The following PARD6G variants were observed in gnomAD, a reference collection of about 807,000 sequenced individuals.
PARD6G encodes partitioning defective 6 homolog gamma.
PARD6G carries 7 observed loss-of-function variants against 10.7 expected under a neutral mutation model. That is an observed-to-expected ratio of 0.66 (90% CI 0.37 to 1.23). The LOEUF (loss-of-function observed/expected upper bound fraction) is 1.23. Ranked by LOEUF, PARD6G falls within the 50% of genes most tolerant of loss-of-function variation. The pLI is 0.02. For synonymous variants in PARD6G, 287 were observed against 269.4 expected (o/e 1.07, Z -0.64); for missense variants, 548 against 571.8 (o/e 0.96, Z 0.42).
At chr18:80,239,444 T>A (rs1967464848) in intron 1 of PARD6G, among the ~76,000 whole-genome samples, 3 of 149,356 alleles carry the variant, frequency 2.0e-5, no homozygotes, top group Non-Finnish European at 4.5e-5. Flanking sequence ...GCTGATGAGC[T>A]AAAAAAAAAA....
chr18:80,177,535 C>T (rs377095259), intron 2 of PARD6G, among the ~76,000 whole-genome samples: 23 of 147,176 alleles, frequency 1.6e-4, no homozygotes, highest in African/African-American at 4.6e-4. Context: ...CACACATGCA[C>T]GCGGGCACAC....
rs546133842 is a variant in PARD6G at position 80,226,399 on chromosome 18, G to A, written c.72+20878C>T. On this transcript the variant is annotated intron_variant, in intron 1 of 2. Transcript: ENST00000353265. The stretch of plus-strand genomic sequence containing the variant: ...TTGGTCAGGCTGGTCTCGAACTCCC[G>A]ACCTCAGGTGATCCGCCTGCCTTGG... Among the ~76,000 whole-genome samples the A allele has an allele frequency of 6.6e-5, 10 of 152,050 alleles. 1 individual carries two copies. The South Asian group carries it at 1.2e-3, about 19-fold the overall frequency.
At chr18:80,213,507 A>G (rs1273467126) in intron 1 of PARD6G, among the ~76,000 whole-genome samples, 1 of 152,246 alleles carries the variant, frequency 6.6e-6, no homozygotes, top group Non-Finnish European at 1.5e-5. Flanking sequence ...GGAAATCTCT[A>G]TCTAATCATT....
intron 2 of PARD6G, among the ~76,000 whole-genome samples, chr18:80,194,088 G>A (rs1966926696): frequency 6.6e-6 from 1 of 152,150 alleles, no homozygotes; most frequent in South Asian, 2.1e-4. Flanking sequence ...GTTCACAGTG[G>A]AAATTTTTAT....
intron 2 of PARD6G, among the ~76,000 whole-genome samples, chr18:80,190,323 T>C (rs1167056566): frequency 6.6e-6 from 1 of 152,196 alleles, no homozygotes; most frequent in Non-Finnish European, 1.5e-5. Flanking sequence ...AGGAGGGTGC[T>C]GAGGGCAAAG....
chr18:80,218,071 C>T (rs901105908), intron 1 of PARD6G, among the ~76,000 whole-genome samples: 2 of 152,150 alleles, frequency 1.3e-5, no homozygotes, highest in African/African-American at 4.8e-5. Context: ...ATAGGAACTA[C>T]AATTCAAGAT....
chr18:80,187,105 A>T (rs1367596061), intron 2 of PARD6G, among the ~76,000 whole-genome samples: 1 of 151,874 alleles, frequency 6.6e-6, no homozygotes, highest in African/African-American at 2.4e-5. Flanking sequence ...TCAAGAAAAA[A>T]AAAAAAAAGA....
intron 2 of PARD6G, chr18:80,169,740 AG>A (rs939940681): frequency 4.5e-4 from 69 of 152,276 alleles, no homozygotes; most frequent in African/African-American, 1.5e-3. Context: ...CACCATGGAG[AG>A]GGGATTCAGA....
chr18:80,162,563 T>C (rs1361763625), intron 2 of PARD6G: 2 of 169,220 alleles, frequency 1.2e-5, no homozygotes, highest in African/African-American at 4.8e-5. Flanking sequence ...CTGCACCTCA[T>C]AGACACTGCA....
chr18:80,232,176 G>A (rs537915554), intron 1 of PARD6G, among the ~76,000 whole-genome samples: 68 of 143,350 alleles, frequency 4.7e-4, no homozygotes, highest in South Asian at 2.0e-3. Flanking sequence ...TTCTGCCCCC[G>A]CCCCCCAAGC....
At chr18:80,179,535 C>A (rs1414478559) in intron 2 of PARD6G, among the ~76,000 whole-genome samples, 5 of 152,196 alleles carry the variant, frequency 3.3e-5, no homozygotes, top group Admixed American at 2.0e-4. Flanking sequence ...AGGAGGCTTG[C>A]TTTAGGGTCC....
intron 1 of PARD6G, among the ~76,000 whole-genome samples, chr18:80,205,227 C>T (rs1307363928): frequency 1.3e-5 from 2 of 152,178 alleles, no homozygotes; most frequent in Non-Finnish European, 2.9e-5. Context: ...CCAAGGATGA[C>T]ACTGGTACAG....
In PARD6G at chr18:80,188,054, G is replaced by A. The variant is rs1232912951; in HGVS notation, c.295+14656C>T. On this transcript the variant is annotated intron_variant, in intron 2 of 2. Transcript: ENST00000353265. This position sits in a 1 kb window ranked among gnomAD's most constrained non-coding sequence, Gnocchi z 5.4. ...ATCACTGACTGAAACGCTAAGTGGTGCGCGACCGTGCCCAACGGGAGGTGT... is the reference window on the plus strand; with the variant it reads ...ATCACTGACTGAAACGCTAAGTGGTACGCGACCGTGCCCAACGGGAGGTGT... The A allele has an allele frequency of 6.6e-6, 1 of 152,210 alleles. No individual in the cohort carries two copies. The highest frequency in any genetic ancestry group is 1.5e-5 in the Non-Finnish European group (1 of 68,048). The allele number at this position is 152,210 out of a possible 1,614,324, so 9.4% of individuals were successfully genotyped here. A position where few individuals can be genotyped will look rare whatever the true frequency, so the allele number is the denominator to read the frequency against.
rs1030432901 is a variant in PARD6G, at chr18:80,158,885, A to G, written c.*886T>C. On this transcript the variant is annotated 3_prime_UTR_variant, in exon 3 of 3. Transcript: ENST00000353265. ...GAACAATTCCACAGCTGCGGGTGCC[A>G]TAAGTGTGCTGGTGGGAGCTCTCCT... The G allele has an allele frequency of 2.0e-5, 3 of 152,334 alleles. No individual in the cohort carries two copies. Among genetic ancestry groups the G allele is most frequent in the South Asian group, 2.1e-4 (1 of 4,816 alleles). The allele number at this position is 152,334 out of a possible 1,614,324, so 9.4% of individuals were successfully genotyped here. A position where few individuals can be genotyped will look rare whatever the true frequency, so the allele number is the denominator to read the frequency against.
intron 1 of PARD6G, among the ~76,000 whole-genome samples, chr18:80,225,681 T>G (rs1967281815): frequency 6.6e-6 from 1 of 152,246 alleles, no homozygotes; most frequent in African/African-American, 2.4e-5. Flanking sequence ...AAAAGCATTC[T>G]TTTTCTCTTT....
chr18:80,206,304 T>C (rs985173322), intron 1 of PARD6G, among the ~76,000 whole-genome samples: 1 of 152,204 alleles, frequency 6.6e-6, no homozygotes, highest in African/African-American at 2.4e-5. Flanking sequence ...GACAAAAGCA[T>C]TGTATTTAAA....
intron 1 of PARD6G, among the ~76,000 whole-genome samples, chr18:80,216,130 A>T (rs1234503399): frequency 6.6e-6 from 1 of 152,198 alleles, no homozygotes; most frequent in East Asian, 1.9e-4. Flanking sequence ...CTAACTTAAA[A>T]GGAGAAATAA....
rs150789619 is a variant in PARD6G at position 80,239,687 on chromosome 18, C to G, written c.72+7590G>C. Reference sequence around the variant, plus strand: ...GAGGTGCCAACAGCAACAGAAATAGCTATGTGGGCTTTTAATTTCCAAAGT... The same window carrying G: ...GAGGTGCCAACAGCAACAGAAATAGGTATGTGGGCTTTTAATTTCCAAAGT... On this transcript the variant is annotated intron_variant, in intron 1 of 2. Transcript: ENST00000353265. Among the ~76,000 whole-genome samples, 421 of 152,308 alleles carry G rather than the reference C, an allele frequency of 2.8e-3. 1 individual carries two copies. The highest frequency in any genetic ancestry group is 9.5e-3 in the African/African-American group (393 of 41,572).
intron 1 of PARD6G, among the ~76,000 whole-genome samples, chr18:80,214,571 G>T (rs1261165693): frequency 2.0e-5 from 3 of 152,182 alleles, no homozygotes; most frequent in East Asian, 3.9e-4. Flanking sequence ...TTACAAAACC[G>T]AAATACAAAA....
Sources: allele counts gnomAD v4.1 joint callset (sites outside exome capture counted in the v4.1 genomes callset), GRCh38; gene constraint gnomAD v4.1.1; non-coding constraint Gnocchi (gnomAD v3.1); transcripts MANE v1.5; gene names NCBI Gene and HGNC (gene_info 2026-07-23, HGNC 2026-07-21).